Variants in MBNL1 observed in about 807,000 individuals in gnomAD.
MBNL1 encodes muscleblind-like protein 1.
In MBNL1, 8 loss-of-function variants were observed where a neutral mutation model predicts 42.2. That is an observed-to-expected ratio of 0.19 (90% CI 0.11 to 0.34). MBNL1 has a LOEUF of 0.34. MBNL1 is among the 10% of genes least tolerant of loss of function. MBNL1 has a pLI of 1.00. For missense variants in MBNL1, 309 were observed against 495.3 expected (o/e 0.62, Z 3.57); for synonymous variants, 169 against 173.9 (o/e 0.97, Z 0.22).
At chr3:152,442,868 AT>A (rs1225248883) in intron 4 of MBNL1, among the ~76,000 whole-genome samples, 2 of 152,080 alleles carry the variant, frequency 1.3e-5, no homozygotes, top group African/African-American at 2.4e-5. Context: ...TTCACAAGAG[AT>A]TTTCTCTTCC....
intron 2 of MBNL1, among the ~76,000 whole-genome samples, chr3:152,347,777 TGC>T (rs2094470540): frequency 6.6e-6 from 1 of 152,132 alleles, no homozygotes; most frequent in African/African-American, 2.4e-5. Context: ...ATAAAGATAA[TGC>T]ACAGCACAGT....
At chr3:152,426,183 A>G (rs2098928403) in intron 3 of MBNL1, among the ~76,000 whole-genome samples, 1 of 143,170 alleles carries the variant, frequency 7.0e-6, no homozygotes, top group East Asian at 2.2e-4. Context: ...AACATCACAC[A>G]CTGGGGCCTC....
At chr3:152,418,630 A>AAAGAG (rs1553917169) in intron 3 of MBNL1, among the ~76,000 whole-genome samples, 12 of 145,428 alleles carry the variant, frequency 8.3e-5, no homozygotes, top group African/African-American at 2.8e-4. Context: ...AAAAAAAAAA[A>AAAGAG]AGAGAGAGAG....
chr3:152,325,478 A>G (rs1275507050), intron 2 of MBNL1, among the ~76,000 whole-genome samples: 5 of 152,110 alleles, frequency 3.3e-5, no homozygotes, highest in Non-Finnish European at 5.9e-5. Flanking sequence ...AGACCTTACT[A>G]TTTGGTTGAA....
chr3:152,310,822 G>T (rs115599274), intron 2 of MBNL1, among the ~76,000 whole-genome samples: 13 of 151,938 alleles, frequency 8.6e-5, no homozygotes, highest in African/African-American at 2.4e-4. Context: ...AGACTGTTTG[G>T]GGGGGTTGGG....
chr3:152,446,351 C>T (rs747632251), intron 5 of MBNL1, among the ~76,000 whole-genome samples: 8 of 152,008 alleles, frequency 5.3e-5, no homozygotes, highest in Non-Finnish European at 7.4e-5. Context: ...GAAATAATCA[C>T]GAGAGAGATC....
At chr3:152,271,382 T>A (rs1265671235) in intron 1 of MBNL1, among the ~76,000 whole-genome samples, 1 of 152,160 alleles carries the variant, frequency 6.6e-6, no homozygotes, top group Non-Finnish European at 1.5e-5. Flanking sequence ...TGAGGAAGGG[T>A]GTGTTACTTT....
intron 2 of MBNL1, among the ~76,000 whole-genome samples, chr3:152,349,041 C>A (rs1354613569): frequency 6.6e-6 from 1 of 152,008 alleles, no homozygotes; most frequent in East Asian, 1.9e-4. Context: ...CAAAAATAAA[C>A]TGAGGTGGAA....
intron 6 of MBNL1, 63 bp from the exon 7 acceptor site, chr3:152,455,479 T>A (rs1731888910): frequency 1.6e-6 from 2 of 1,286,706 alleles, no homozygotes; most frequent in Non-Finnish European, 2.3e-6. Context: ...ACACGTGTGA[T>A]GGGATGTTTT....
chr3:152,451,138 A>T (rs1722066361), intron 6 of MBNL1, among the ~76,000 whole-genome samples: 1 of 152,184 alleles, frequency 6.6e-6, no homozygotes, highest in Non-Finnish European at 1.5e-5. Flanking sequence ...AGTGGTCTGT[A>T]GTCTGTTGTT....
upstream of MBNL1, chr3:152,265,171 T>C (rs2036986445): frequency 6.6e-6 from 1 of 152,244 alleles, no homozygotes; most frequent in African/African-American, 2.4e-5. Flanking sequence ...TGATTCTCCA[T>C]ACAAGAATGT....
intron 2 of MBNL1, among the ~76,000 whole-genome samples, chr3:152,371,023 A>T (rs2153232193): frequency 6.6e-6 from 1 of 152,112 alleles, no homozygotes; most frequent in East Asian, 1.9e-4. Context: ...GTTATGTGTG[A>T]GTTTGATCCT....
Position 152,271,728 on chromosome 3 carries a change from A to G in MBNL1, c.-790+2636A>G, listed in dbSNP as rs890806580. 3.3e-5 allele frequency among the ~76,000 whole-genome samples: 5 copies of G among 152,328 alleles called. No homozygotes were observed. The South Asian group carries it at 8.3e-4, about 25-fold the overall frequency. ...GGCCCAAAATAAAATCCCATCAACC[A>G]TATGGATCATAGAGAATGTGACATA... On this transcript the variant is annotated intron_variant, in intron 1 of 9. Coordinates refer to ENST00000324210, the MANE Select transcript of MBNL1 (RefSeq NM_021038.5).
rs193011541 is a variant in MBNL1 at position 152,428,749 on chromosome 3, G to A, written c.346-3968G>A. Among the ~76,000 whole-genome samples, 1,223 of 152,214 alleles carry A rather than the reference G, an allele frequency of 8.0e-3. 5 individuals carry two copies. The highest frequency in any genetic ancestry group is 0.012 in the Non-Finnish European group (836 of 68,016). ...AGTGAGGAGTGGCCAGGGCATTCACGGTTTAAAAGTCCTCCGGATGATTTT... is the reference window on the plus strand; with the variant it reads ...AGTGAGGAGTGGCCAGGGCATTCACAGTTTAAAAGTCCTCCGGATGATTTT... On this transcript the variant is annotated intron_variant, in intron 3 of 9. Coordinates refer to ENST00000324210, the MANE Select transcript of MBNL1 (RefSeq NM_021038.5).
At chr3:152,325,603 G>A (rs1476213576) in intron 2 of MBNL1, among the ~76,000 whole-genome samples, 1 of 151,234 alleles carries the variant, frequency 6.6e-6, no homozygotes, top group Non-Finnish European at 1.5e-5. Context: ...TTTTGTAGTA[G>A]GTAAGTCAAT....
At chr3:152,420,900 T>C (rs1452944508) in intron 3 of MBNL1, among the ~76,000 whole-genome samples, 7 of 152,190 alleles carry the variant, frequency 4.6e-5, no homozygotes, top group Admixed American at 4.6e-4. Flanking sequence ...GCTAACTGAA[T>C]AACCAGTTTA....
chr3:152,315,951 A>G (rs2070940855), intron 2 of MBNL1, among the ~76,000 whole-genome samples: 1 of 152,122 alleles, frequency 6.6e-6, no homozygotes, highest in Admixed American at 6.5e-5. Flanking sequence ...GAAATATTAA[A>G]TCAGGAAGAA....
chr3:152,364,297 G>A (rs1312447973), intron 2 of MBNL1, among the ~76,000 whole-genome samples: 1 of 152,022 alleles, frequency 6.6e-6, no homozygotes, highest in African/African-American at 2.4e-5. Context: ...TAGCTATAGT[G>A]TGATTTACAA....
At chr3:152,369,173 G>C (rs1318914860) in intron 2 of MBNL1, among the ~76,000 whole-genome samples, 2 of 152,116 alleles carry the variant, frequency 1.3e-5, no homozygotes, top group Non-Finnish European at 2.9e-5. Flanking sequence ...TTATTATTTT[G>C]AGATACATTC....
Sources: gnomAD v4.1 joint callset for allele counts (sites outside exome capture counted in the v4.1 genomes callset) on GRCh38, gnomAD v4.1.1 for gene constraint, MANE v1.5 for transcripts, NCBI Gene and HGNC (gene_info 2026-07-23, HGNC 2026-07-21) for gene names.